The following SSU72 variants were observed in gnomAD, a reference collection of about 807,000 sequenced individuals.
The protein encoded by SSU72 is RNA polymerase II subunit A C-terminal domain phosphatase SSU72.
In SSU72, 12 loss-of-function variants were observed where a neutral mutation model predicts 22.7. The ratio of observed to expected loss-of-function variants is 0.53; its 90% CI spans 0.34 to 0.86. SSU72 has a LOEUF of 0.86. Among genes scored for constraint, SSU72 ranks in the 40% least tolerant of loss-of-function variants. The probability of loss-of-function intolerance (pLI) is 0.02; values close to 1 mark genes in which losing one functional copy is unlikely to be tolerated. For synonymous variants in SSU72, 116 were observed against 98.3 expected (o/e 1.18, Z -1.06); for missense variants, 151 against 249.8 (o/e 0.60, Z 2.67).
At chr1:1,544,719 C>T in intron 3 of SSU72, 144 bp downstream of exon 3, 4 of 1,188,754 alleles carry the variant, frequency 3.4e-6, no homozygotes, top group South Asian at 1.2e-5. Flanking sequence ...CCCTGCCTGC[C>T]TTCCAGGGTG....
At chr1:1,559,688 C>T (rs1642563754) in intron 2 of SSU72, among the ~76,000 whole-genome samples, 1 of 152,078 alleles carries the variant, frequency 6.6e-6, no homozygotes. Flanking sequence ...GCCACCTGAG[C>T]AGCTGGGATT....
chr1:1,549,498 G>A (rs755722813), intron 2 of SSU72, among the ~76,000 whole-genome samples: 2 of 148,886 alleles, frequency 1.3e-5, no homozygotes, highest in African/African-American at 5.0e-5. Flanking sequence ...CAGCCTGGGG[G>A]ACAGAGCGAG....
chr1:1,553,459 G>A (rs542638413), intron 2 of SSU72, among the ~76,000 whole-genome samples: 2 of 152,024 alleles, frequency 1.3e-5, no homozygotes, highest in South Asian at 2.1e-4. Flanking sequence ...GGTGAAACCC[G>A]TCTCTAGTAA....
chr1:1,560,629 T>C (rs1279216841), intron 2 of SSU72, among the ~76,000 whole-genome samples: 1 of 152,120 alleles, frequency 6.6e-6, no homozygotes, highest in African/African-American at 2.4e-5. Context: ...CAATGCAGGA[T>C]TTTTTCACTT....
chr1:1,574,096 A>G (rs528515205), intron 1 of SSU72, among the ~76,000 whole-genome samples: 3 of 152,002 alleles, frequency 2.0e-5, no homozygotes, highest in East Asian at 3.9e-4. Flanking sequence ...TTTGTTATTT[A>G]CAACATCGTG....
At chr1:1,569,810 T>A (rs1274927193) in intron 1 of SSU72, among the ~76,000 whole-genome samples, 3 of 152,022 alleles carry the variant, frequency 2.0e-5, no homozygotes, top group Non-Finnish European at 4.4e-5. Context: ...GCCCAAAATT[T>A]TTAAAAGGGG....
At chr1:1,545,150 G>A (rs1415640026) in intron 2 of SSU72, 148 bp from the exon 3 acceptor site, 1 of 876,248 alleles carries the variant, frequency 1.1e-6, no homozygotes, top group Admixed American at 2.3e-5. Flanking sequence ...GCCATGCCCT[G>A]GTGAGGCAGG....
intron 2 of SSU72, among the ~76,000 whole-genome samples, chr1:1,551,778 G>A (rs373871015): frequency 4.6e-5 from 7 of 152,346 alleles, no homozygotes; most frequent in African/African-American, 1.4e-4. Flanking sequence ...TTACGCCAAC[G>A]TCACATCGCC....
intron 1 of SSU72, among the ~76,000 whole-genome samples, chr1:1,573,647 G>C (rs754198510): frequency 6.6e-5 from 10 of 152,026 alleles, no homozygotes; most frequent in Non-Finnish European, 1.2e-4. Context: ...AAAAAAAAGG[G>C]GGACTGTTAA....
At position 1,545,370 on chromosome 1, in the gene SSU72, G is replaced by A. The variant is rs1299879795; in HGVS notation, c.225-368C>T. The A allele has an allele frequency of 2.8e-5, 7 of 247,680 alleles. No homozygotes were observed. In the South Asian group the frequency reaches 2.9e-4, roughly 10 times the overall value. 15.3% of individuals were successfully genotyped at this position (247,680 alleles called of 1,614,324 possible). ...CCTCAGTCACTGTGTCTCCGCAGTC[G>A]GATCCTTCTTCCTCCCTCTGCTCCC... On this transcript the variant is annotated intron_variant, in intron 2 of 4. Coordinates refer to ENST00000291386, the MANE Select transcript of SSU72 (RefSeq NM_014188.3).
chr1:1,574,383 T>C, intron 1 of SSU72, 95 bp downstream of exon 1: 3 of 1,376,818 alleles, frequency 2.2e-6, no homozygotes, highest in Non-Finnish European at 2.0e-6. Context: ...CCCGGCTTCC[T>C]CTCAGGGGTC....
chr1:1,557,539 A>G (rs1043701474), intron 2 of SSU72, among the ~76,000 whole-genome samples: 1 of 152,168 alleles, frequency 6.6e-6, no homozygotes, highest in Admixed American at 6.5e-5. Flanking sequence ...CACACCTGTA[A>G]TCTCAAAACT....
chr1:1,547,393 G>A (rs543550637), intron 2 of SSU72, among the ~76,000 whole-genome samples: 2 of 152,328 alleles, frequency 1.3e-5, no homozygotes, highest in East Asian at 3.9e-4. Context: ...TTCAGTTAAG[G>A]AGAAATGTCT....
chr1:1,543,483 C>T (rs912893311), intron 4 of SSU72, among the ~76,000 whole-genome samples: 2 of 152,202 alleles, frequency 1.3e-5, no homozygotes, highest in Non-Finnish European at 2.9e-5. Flanking sequence ...GCAGGGGGGC[C>T]TCCTGTGCCA....
intron 1 of SSU72, among the ~76,000 whole-genome samples, chr1:1,573,079 A>C (rs9439473): frequency 1.2e-3 from 187 of 150,390 alleles, no homozygotes; most frequent in African/African-American, 4.4e-3. Context: ...ACCTGAGGTC[A>C]GGAGTTTGAG....
rs1642324312 is a variant in SSU72 at position 1,541,887 on chromosome 1, G to A, written c.*179C>T. The A allele has an allele frequency of 8.4e-6, 5 of 592,294 alleles. No individual in the cohort carries two copies. Among genetic ancestry groups the A allele is most frequent in the African/African-American group, 1.9e-5 (1 of 53,350 alleles). 36.7% of individuals were successfully genotyped at this position (592,294 alleles called of 1,614,324 possible). On this transcript the variant is annotated 3_prime_UTR_variant, in exon 5 of 5. Coordinates refer to ENST00000291386, the MANE Select transcript of SSU72 (RefSeq NM_014188.3). ...CCTGCTCATAAGTAAAAGTGGAAAA[G>A]AAGAAACTTGATTGCTTTCATCTGG...
At chr1:1,574,445 A>G (rs6666293) in intron 1 of SSU72, 33 bp downstream of exon 1, 588,209 of 1,569,732 alleles carry the variant, frequency 0.37, 132,500 homozygotes, top group African/African-American at 0.85. Context: ...TCGCCGGAGC[A>G]GAGCGCGCGG....
At chr1:1,567,205 A>G (rs1642672738) in intron 1 of SSU72, among the ~76,000 whole-genome samples, 1 of 152,182 alleles carries the variant, frequency 6.6e-6, no homozygotes, top group African/African-American at 2.4e-5. Context: ...GCCCAAGGGC[A>G]CCCTGCTGCG....
chr1:1,559,930 G>A (rs763043461), intron 2 of SSU72, among the ~76,000 whole-genome samples: 10 of 152,068 alleles, frequency 6.6e-5, no homozygotes, highest in Non-Finnish European at 1.5e-4. Context: ...TCTCCATTTT[G>A]GTCAGGCTGC....
Sources: gnomAD v4.1 joint callset for allele counts (sites outside exome capture counted in the v4.1 genomes callset) on GRCh38, gnomAD v4.1.1 for gene constraint, MANE v1.5 for transcripts, NCBI Gene and HGNC (gene_info 2026-07-23, HGNC 2026-07-21) for gene names.